Variants in BID observed in about 807,000 individuals in gnomAD.
BID encodes the protein BH3-interacting domain death agonist.
A neutral mutation model predicts 17.4 loss-of-function variants in BID; 19 were observed. That is an observed-to-expected ratio of 1.09 (90% confidence interval 0.76 to 1.60). The LOEUF is 1.60. Ranked by LOEUF, BID falls within the 40% of genes most tolerant of loss-of-function variation. BID has a pLI of 0.00. For missense variants in BID, 226 were observed against 256.0 expected (o/e 0.88, Z 0.80); for synonymous variants, 108 against 102.8 (o/e 1.05, Z -0.31).
Position 17,738,039 on chromosome 22 carries a change from T to C in BID, c.554A>G (p.Tyr185Cys). 2 of 1,614,140 alleles carry C rather than the reference T, an allele frequency of 1.2e-6. No individual in the cohort carries two copies. Among genetic ancestry groups the C allele is most frequent in the Middle Eastern group, 1.7e-4 (1 of 6,038 alleles). Residue 185 changes from tyrosine to cysteine, a missense_variant, in exon 5 of 6, where the codon TAC becomes TGC. By Grantham distance (194) the Tyr-to-Cys change is radical. Transcript: ENST00000622694. The stretch of plus-strand genomic sequence containing the variant: ...TACATTTCTGGCTAAGCTCCTCACG[T>C]AGGTGCGTAGGTTCTGGTTAATAAA... ...VNFINQNLRT[Y>C]VRSLARNGMD
rs1270080444 is a variant in BID at position 17,769,266 on chromosome 22, T to A, written c.-59+5115A>T. Among the ~76,000 whole-genome samples, 1 of 152,172 alleles carries A rather than the reference T, an allele frequency of 6.6e-6. No individual in the cohort carries two copies. The highest frequency in any genetic ancestry group is 1.9e-4 in the East Asian group (1 of 5,174). ...GAGGGGCTGATGACCCAGGAGCGGCTGGCTGCTGGTGTGAGTACACGGGTG... is the reference window on the plus strand; with the variant it reads ...GAGGGGCTGATGACCCAGGAGCGGCAGGCTGCTGGTGTGAGTACACGGGTG... On this transcript the variant is annotated intron_variant, in intron 1 of 5. Coordinates refer to ENST00000622694, the MANE Select transcript of BID (RefSeq NM_001196.4). The surrounding 1 kb of genome is among the most constrained non-coding windows in gnomAD (Gnocchi z 4.8).
Position 17,773,794 on chromosome 22 carries a change from C to T in BID, c.-59+587G>A, listed in dbSNP as rs2061738847. ...CCCCTGGGGTCATTCAGCCACTCAACAGTTTCCCAGCAGCAGCAGCGAGGA... is the reference window on the plus strand; with the variant it reads ...CCCCTGGGGTCATTCAGCCACTCAATAGTTTCCCAGCAGCAGCAGCGAGGA... On this transcript the variant is annotated intron_variant, in intron 1 of 5. Transcript: ENST00000622694. This position sits in a 1 kb window ranked among gnomAD's most constrained non-coding sequence, Gnocchi z 4.4. 1 of 1,065,328 alleles carries T rather than the reference C, an allele frequency of 9.4e-7. No homozygotes were observed. The highest frequency in any genetic ancestry group is 1.4e-6 in the Non-Finnish European group (1 of 725,234). 66.0% of individuals were successfully genotyped at this position (1,065,328 alleles called of 1,614,324 possible).
chr22:17,739,323 C>A (rs372897), intron 4 of BID, 26 bp downstream of exon 4: 230,986 of 1,540,586 alleles, frequency 0.15, 19,525 homozygotes, highest in Non-Finnish European at 0.17. Flanking sequence ...CTTGCCCGCC[C>A]ACGCGGTCCT....
At chr22:17,741,411 G>C (rs1242160401) in intron 3 of BID, among the ~76,000 whole-genome samples, 2 of 151,934 alleles carry the variant, frequency 1.3e-5, no homozygotes, top group African/African-American at 2.4e-5. Context: ...GACCCAGCCT[G>C]AAAGTACGTC....
chr22:17,756,489 T>C (rs1305415193), intron 1 of BID, among the ~76,000 whole-genome samples: 4 of 40,394 alleles, frequency 9.9e-5, no homozygotes, highest in South Asian at 1.5e-3. Flanking sequence ...TCTTTCTTTC[T>C]TTCTTTCTCT....
rs375528517 is a variant in BID, at chr22:17,768,199, G to A, written c.-59+6182C>T. 2.9e-4 allele frequency among the ~76,000 whole-genome samples: 44 copies of A among 152,334 alleles called. 1 individual carries two copies. The East Asian group carries it at 7.7e-3, about 27-fold the overall frequency. Reference sequence around the variant, plus strand: ...TAGGCGGTGGTGACGGTCGCACACCGTGTATATACTAAGCCACTGAACTGT... The same window carrying A: ...TAGGCGGTGGTGACGGTCGCACACCATGTATATACTAAGCCACTGAACTGT... On this transcript the variant is annotated intron_variant, in intron 1 of 5. Transcript: ENST00000622694.
chr22:17,735,325 GCAGATTCAT>G lies in BID; in HGVS notation c.*246_*254del. ...GCACCGTGTGTAGATTTACAGATGT[GCAGATTCAT>G]GTGTGGATGATATGAAGGCCATTCA... On this transcript the variant is annotated 3_prime_UTR_variant, in exon 6 of 6. Coordinates refer to ENST00000622694, the MANE Select transcript of BID (RefSeq NM_001196.4). 2.0e-6 allele frequency: 1 copy of G among 504,914 alleles called. No individual in the cohort carries two copies. The highest frequency in any genetic ancestry group is 3.5e-6 in the Non-Finnish European group (1 of 284,624). 31.3% of individuals were successfully genotyped at this position (504,914 alleles called of 1,614,324 possible).
chr22:17,737,132 TAG>T (rs968467037), intron 5 of BID, among the ~76,000 whole-genome samples: 1 of 151,934 alleles, frequency 6.6e-6, no homozygotes, highest in Non-Finnish European at 1.5e-5. Flanking sequence ...ATAAATTTTT[TAG>T]AGACAGGGTC....
At chr22:17,736,719 CAA>C (rs2061422440) in intron 5 of BID, among the ~76,000 whole-genome samples, 1 of 151,976 alleles carries the variant, frequency 6.6e-6, no homozygotes, top group Admixed American at 6.6e-5. Flanking sequence ...TGGGCTCAAG[CAA>C]AGAGATCCTT....
chr22:17,767,173 G>A (rs1483556784), intron 1 of BID, among the ~76,000 whole-genome samples: 4 of 150,774 alleles, frequency 2.7e-5, no homozygotes, highest in South Asian at 2.1e-4. Flanking sequence ...GCAGTGAGCC[G>A]AGATCGCGCC....
intron 1 of BID, among the ~76,000 whole-genome samples, chr22:17,759,236 A>AAATAC (rs2061616631): frequency 1.7e-5 from 2 of 117,380 alleles, no homozygotes; most frequent in Non-Finnish European, 3.3e-5. Flanking sequence ...TCTCAAAACA[A>AAATAC]AAAACAAAAC....
At chr22:17,739,297 AG>A (rs2061440955) in intron 4 of BID, 51 bp downstream of exon 4, 1 of 1,493,760 alleles carries the variant, frequency 6.7e-7, no homozygotes, top group African/African-American at 1.4e-5. Flanking sequence ...GGCAGGGGAC[AG>A]GCCCCCTTGG....
At chr22:17,752,524 G>A (rs1017150864) in intron 1 of BID, among the ~76,000 whole-genome samples, 3 of 152,068 alleles carry the variant, frequency 2.0e-5, no homozygotes, top group Non-Finnish European at 4.4e-5. Flanking sequence ...GACCCATACC[G>A]ATGTTGTCAC....
At chr22:17,755,339 C>T (rs999490707) in intron 1 of BID, among the ~76,000 whole-genome samples, 25 of 152,136 alleles carry the variant, frequency 1.6e-4, no homozygotes, top group African/African-American at 5.3e-4. Flanking sequence ...AGCTCCAACC[C>T]GGAAATGTGA....
At chr22:17,757,435 G>A (rs190907050) in intron 1 of BID, among the ~76,000 whole-genome samples, 2,139 of 141,526 alleles carry the variant, frequency 0.015, 44 homozygotes, top group African/African-American at 0.054. Context: ...AATGCCAGGC[G>A]CAGTCGCTCA....
At chr22:17,757,696 G>T (rs1365827159) in intron 1 of BID, among the ~76,000 whole-genome samples, 1 of 142,074 alleles carries the variant, frequency 7.0e-6, no homozygotes, top group Non-Finnish European at 1.5e-5. Flanking sequence ...GCGACAGAGC[G>T]AGACTCCGTC....
intron 4 of BID, among the ~76,000 whole-genome samples, chr22:17,738,698 G>A (rs768869688): frequency 3.9e-5 from 6 of 152,304 alleles, no homozygotes; most frequent in South Asian, 2.1e-4. Context: ...CCACTCCTGC[G>A]TTCTAGGCAG....
chr22:17,747,803 C>A (rs913777683), intron 2 of BID, among the ~76,000 whole-genome samples: 1 of 151,916 alleles, frequency 6.6e-6, no homozygotes, highest in African/African-American at 2.4e-5. Flanking sequence ...GCTGGCCGGG[C>A]GCGGTGGCTC....
At chr22:17,739,856 G>A (rs987443215) in intron 3 of BID, 26 of 611,956 alleles carry the variant, frequency 4.2e-5, no homozygotes, top group East Asian at 2.8e-4. Context: ...CTGGGCAGCC[G>A]TTGGGGAAGG....
Sources: gnomAD v4.1 joint callset for allele counts (sites outside exome capture counted in the v4.1 genomes callset) on GRCh38, gnomAD v4.1.1 for gene constraint, Gnocchi (gnomAD v3.1) non-coding constraint, MANE v1.5 for transcripts, NCBI Gene and HGNC (gene_info 2026-07-23, HGNC 2026-07-21) for gene names.